The following TULP3 variants were observed in gnomAD, a reference collection of about 807,000 sequenced individuals.
TULP3 encodes TUB like protein 3.
Under a neutral mutation model 50.7 loss-of-function variants are expected in TULP3, and 38 were observed. The observed-to-expected ratio is 0.75, with a 90% CI of 0.58 to 0.98. TULP3 has a LOEUF of 0.98. Ranked by LOEUF, TULP3 falls within the 50% of genes least tolerant of loss-of-function variation. The probability of loss-of-function intolerance (pLI) is 0.00; values close to 1 mark genes in which losing one functional copy is unlikely to be tolerated. For synonymous variants in TULP3, 183 were observed against 196.6 expected (o/e 0.93, Z 0.58); for missense variants, 550 against 568.0 (o/e 0.97, Z 0.32).
At chr12:2,934,756 C>G (rs1336739924) in intron 8 of TULP3, among the ~76,000 whole-genome samples, 195 bp downstream of exon 8, 1 of 152,182 alleles carries the variant, frequency 6.6e-6, no homozygotes, top group East Asian at 1.9e-4. Context: ...ACTCTCAGAA[C>G]ATTTCTTCCC....
At position 2,931,073 on chromosome 12, in the gene TULP3, C is replaced by T. The variant is rs753659657; in HGVS notation, c.529C>T (p.Pro177Ser). 46 of 1,614,106 alleles carry T rather than the reference C, an allele frequency of 2.8e-5. No individual in the cohort carries two copies. The highest frequency in any genetic ancestry group is 3.7e-5 in the Non-Finnish European group (44 of 1,180,038). Reference sequence around the variant, plus strand: ...TTCCGGTTCTGCTACTGCCGCCCAACCAGCTGATAACCTCCTGGGAGACAT... The same window carrying T: ...TTCCGGTTCTGCTACTGCCGCCCAATCAGCTGATAACCTCCTGGGAGACAT... ...GTSGSATAAQPADNLLGDIDD... is the reference protein window; with the variant it reads ...GTSGSATAAQSADNLLGDIDD... The change falls in exon 6 of 11, where the codon CCA becomes TCA. Residue 177 changes from proline to serine, a missense_variant. Coordinates refer to ENST00000448120, the MANE Select transcript of TULP3 (RefSeq NM_003324.5).
At position 2,938,054 on chromosome 12, in the gene TULP3, A is replaced by G. The variant is rs1048071693; in HGVS notation, c.1024-60A>G. On this transcript the variant is annotated intron_variant, in intron 9 of 10. Coordinates refer to ENST00000448120, the MANE Select transcript of TULP3 (RefSeq NM_003324.5). ...AATGGAGAAAGTATTCTCCTACTCT[A>G]CCTTCTACCTCGTAGAGTTGGAGTT... 38 of 1,582,290 alleles carry G rather than the reference A, an allele frequency of 2.4e-5. No homozygotes were observed. In the East Asian group the frequency reaches 4.5e-4, roughly 19 times the overall value.
chr12:2,928,438 GAGA>G lies in TULP3; in HGVS notation c.395-1808_395-1806del, dbSNP rs1296919704. On this transcript the variant is annotated intron_variant, in intron 4 of 10. Transcript: ENST00000448120. Reference sequence around the variant, plus strand: ...CCAGCTACTCGAGAAGCTGAGGCAGGAGAATCGCTTGAACCTAGGAGGCGGAGG... The same window carrying G: ...CCAGCTACTCGAGAAGCTGAGGCAGGATCGCTTGAACCTAGGAGGCGGAGG... Among the ~76,000 whole-genome samples the G allele has an allele frequency of 2.0e-5, 3 of 152,244 alleles. No homozygotes were observed. The East Asian group carries it at 5.8e-4, about 29-fold the overall frequency.
At chr12:2,892,830 G>T (rs2098172984) in intron 1 of TULP3, among the ~76,000 whole-genome samples, 1 of 151,266 alleles carries the variant, frequency 6.6e-6, no homozygotes, top group Non-Finnish European at 1.5e-5. Flanking sequence ...TCTTCCGAAA[G>T]AAACTAGCTC....
chr12:2,933,687 A>G (rs1465274823), intron 7 of TULP3, among the ~76,000 whole-genome samples, 157 bp downstream of exon 7: 1 of 152,122 alleles, frequency 6.6e-6, no homozygotes, highest in Non-Finnish European at 1.5e-5. Flanking sequence ...GCAGTGGCTC[A>G]CACCTGTAAT....
chr12:2,937,759 A>G (rs1172729757), intron 9 of TULP3, 30 bp downstream of exon 9: 1 of 1,521,244 alleles, frequency 6.6e-7, no homozygotes, highest in Non-Finnish European at 9.1e-7. Context: ...AATCAGTGAA[A>G]GACTCTAAAA....
chr12:2,920,845 G>C lies in TULP3; in HGVS notation c.176G>C (p.Arg59Pro). Residue 59 changes from arginine to proline, a missense_variant, in exon 3 of 11, where the codon CGG becomes CCG. Physicochemically the swap from Arg to Pro is moderately radical, Grantham distance 103 (BLOSUM62 -2). Transcript: ENST00000448120. ...CCCAATCCAGAAGCCAGGCTACGTC[G>C]GGCAAAGCCAAGGGCCAGTGATGAG... is the stretch of plus-strand genomic sequence containing the variant. ...VQPNPEARLR[R>P]AKPRASDEQT... 1 of 1,614,090 alleles carries C rather than the reference G, an allele frequency of 6.2e-7. No individual in the cohort carries two copies. The highest frequency in any genetic ancestry group is 8.5e-7 in the Non-Finnish European group (1 of 1,180,038).
intron 3 of TULP3, 76 bp downstream of exon 3, chr12:2,920,998 G>A (rs919745547): frequency 2.1e-5 from 32 of 1,529,764 alleles, no homozygotes; most frequent in African/African-American, 1.1e-4. Context: ...ATTGTCAGAC[G>A]GACCAAAGGG....
intron 2 of TULP3, among the ~76,000 whole-genome samples, chr12:2,912,982 T>TTC (rs1555112975): frequency 1.9e-4 from 28 of 150,204 alleles, no homozygotes; most frequent in Admixed American, 3.3e-4. Flanking sequence ...TTTTTTTTTT[T>TTC]TTCTTCTTTT....
At chr12:2,904,664 T>A (rs2098181162) in intron 1 of TULP3, among the ~76,000 whole-genome samples, 2 of 152,222 alleles carry the variant, frequency 1.3e-5, no homozygotes, top group Non-Finnish European at 2.9e-5. Context: ...GGAAATTTTC[T>A]TTGAGAAAAA....
chr12:2,927,654 G>A (rs1242360194), intron 4 of TULP3, among the ~76,000 whole-genome samples: 4 of 151,976 alleles, frequency 2.6e-5, no homozygotes, highest in Non-Finnish European at 5.9e-5. Flanking sequence ...CGCCCGGCCT[G>A]AGATTGATTT....
intron 2 of TULP3, among the ~76,000 whole-genome samples, chr12:2,919,726 A>G (rs1242489572): frequency 1.3e-5 from 2 of 151,948 alleles, no homozygotes; most frequent in African/African-American, 2.4e-5. Context: ...TACTAGTACT[A>G]TGTGCTAGTA....
intron 1 of TULP3, among the ~76,000 whole-genome samples, chr12:2,906,148 A>G (rs1428375209): frequency 6.7e-6 from 1 of 150,048 alleles, no homozygotes; most frequent in Non-Finnish European, 1.5e-5. Flanking sequence ...CTCCTGCCTC[A>G]GTCTCCTAAG....
intron 4 of TULP3, among the ~76,000 whole-genome samples, chr12:2,929,739 T>C (rs780697520): frequency 2.2e-4 from 33 of 151,958 alleles, no homozygotes; most frequent in African/African-American, 5.8e-4. Context: ...TACAGGTGCG[T>C]GCCACCACAC....
chr12:2,903,789 G>GTTTT (rs1303616806), intron 1 of TULP3, among the ~76,000 whole-genome samples: 1 of 151,520 alleles, frequency 6.6e-6, no homozygotes, highest in African/African-American at 2.4e-5. Context: ...TTGTTTGTTT[G>GTTTT]TTTGTTTTGA....
intron 1 of TULP3, among the ~76,000 whole-genome samples, chr12:2,907,424 G>A (rs1025372704): frequency 1.4e-5 from 2 of 144,514 alleles, no homozygotes; most frequent in Admixed American, 1.5e-4. Flanking sequence ...GCAGTGAGCC[G>A]AGATCGTGCC....
At chr12:2,933,360 C>A in intron 6 of TULP3, 58 bp from the exon 7 acceptor site, 2 of 1,045,366 alleles carry the variant, frequency 1.9e-6, no homozygotes, top group African/African-American at 1.6e-5. Flanking sequence ...CAACCATGAC[C>A]AGAGGTGGGG....
At chr12:2,935,462 A>G (rs2098200529) in intron 8 of TULP3, among the ~76,000 whole-genome samples, 1 of 152,212 alleles carries the variant, frequency 6.6e-6, no homozygotes, top group South Asian at 2.1e-4. Flanking sequence ...GGCTATATCC[A>G]TACTAGCACA....
intron 1 of TULP3, among the ~76,000 whole-genome samples, chr12:2,895,345 C>T (rs1368112981): frequency 1.3e-5 from 2 of 152,146 alleles, no homozygotes; most frequent in African/African-American, 4.8e-5. Flanking sequence ...ATTAAGTTAG[C>T]TCCAGATTGT....
Sources: allele counts gnomAD v4.1 joint callset (sites outside exome capture counted in the v4.1 genomes callset), GRCh38; gene constraint gnomAD v4.1.1; transcripts MANE v1.5; gene names NCBI Gene and HGNC (gene_info 2026-07-23, HGNC 2026-07-21).